The following PTPRD variants were observed in gnomAD, a reference collection of about 807,000 sequenced individuals.
PTPRD encodes the protein protein tyrosine phosphatase receptor type D.
PTPRD carries 34 observed loss-of-function variants against 214.5 expected under a neutral mutation model. The ratio of observed to expected loss-of-function variants is 0.16; its 90% confidence interval spans 0.12 to 0.21. The LOEUF (loss-of-function observed/expected upper bound fraction) is 0.21. PTPRD is among the 10% of genes least tolerant of loss of function. The pLI is 1.00. For missense variants in PTPRD, 2,545 were observed against 2,398.7 expected, an observed-to-expected ratio of 1.06 and a Z score of -1.27; for synonymous variants, 1,128 against 845.7, an observed-to-expected ratio of 1.33 and a Z score of -5.79.
chr9:9,456,346 A>C (rs1192662306), intron 8 of PTPRD, among the ~76,000 whole-genome samples: 1 of 151,864 alleles, frequency 6.6e-6, no homozygotes, highest in Non-Finnish European at 1.5e-5. Context: ...GAATAAAAAA[A>C]TATAGATCAG....
chr9:8,986,855 T>G (rs2099347316), intron 11 of PTPRD, among the ~76,000 whole-genome samples: 1 of 152,114 alleles, frequency 6.6e-6, no homozygotes, highest in Admixed American at 6.6e-5. Flanking sequence ...TATTGAAGTT[T>G]TTTTTCAGTC....
intron 5 of PTPRD, among the ~76,000 whole-genome samples, chr9:9,837,531 G>C (rs2057121508): frequency 6.6e-6 from 1 of 152,004 alleles, no homozygotes. Context: ...GAAGATAGAG[G>C]GGTATGTTTT....
intron 10 of PTPRD, among the ~76,000 whole-genome samples, chr9:9,112,336 A>G (rs1486387734): frequency 6.6e-6 from 1 of 152,046 alleles, no homozygotes; most frequent in Non-Finnish European, 1.5e-5. Context: ...TAGTTAGGGG[A>G]TCTGAGACAC....
At chr9:10,175,711 A>G (rs2099244053) in intron 3 of PTPRD, among the ~76,000 whole-genome samples, 1 of 152,164 alleles carries the variant, frequency 6.6e-6, no homozygotes, top group East Asian at 1.9e-4. Context: ...AATTTTCAAA[A>G]ATCTTTCTTT....
At chr9:9,827,146 G>T (rs1434652427) in intron 5 of PTPRD, among the ~76,000 whole-genome samples, 1 of 151,942 alleles carries the variant, frequency 6.6e-6, no homozygotes, top group African/African-American at 2.4e-5. Context: ...CACAGAATTG[G>T]AAAAAACTAC....
At chr9:8,913,272 G>A (rs1282955201) in intron 11 of PTPRD, among the ~76,000 whole-genome samples, 2 of 152,082 alleles carry the variant, frequency 1.3e-5, no homozygotes, top group Non-Finnish European at 2.9e-5. Context: ...TAAAATGTGA[G>A]TATTCCTTGT....
chr9:9,016,162 TG>T (rs2099534209), intron 11 of PTPRD, among the ~76,000 whole-genome samples: 1 of 152,254 alleles, frequency 6.6e-6, no homozygotes, highest in Admixed American at 6.5e-5. Context: ...TCACCCTCCT[TG>T]GGAAGCGAAA....
intron 11 of PTPRD, among the ~76,000 whole-genome samples, chr9:8,995,572 C>A (rs2099393549): frequency 6.6e-6 from 1 of 151,932 alleles, no homozygotes; most frequent in African/African-American, 2.4e-5. Context: ...CTCTCTACAC[C>A]CTCTTGAATA....
chr9:9,673,044 C>T (rs921186407), intron 7 of PTPRD, among the ~76,000 whole-genome samples: 2 of 151,922 alleles, frequency 1.3e-5, no homozygotes, highest in African/African-American at 4.8e-5. Flanking sequence ...ATTACCAATG[C>T]TGCAGAAGTC....
At chr9:8,793,822 T>C (rs557574135) in intron 11 of PTPRD, among the ~76,000 whole-genome samples, 1 of 152,320 alleles carries the variant, frequency 6.6e-6, no homozygotes, top group African/African-American at 2.4e-5. Flanking sequence ...AGATACACTA[T>C]GTATCTAGGT....
chr9:10,135,943 T>TA lies in PTPRD; in HGVS notation c.-544-102154dup, dbSNP rs3075566. Among the ~76,000 whole-genome samples, 117 of 142,124 alleles carry TA rather than the reference T, an allele frequency of 8.2e-4. 1 individual carries two copies. Among genetic ancestry groups the TA allele is most frequent in the East Asian group, 2.0e-3 (10 of 4,898 alleles). The allele number at this position is 142,124 out of a possible 152,430, so 93.2% of individuals were successfully genotyped here. ...AAAAGCACAGAATTGTAAGTTGAAT[T>TA]AAAAAAAAAAAAATAAGGCCCAACC... On this transcript the variant is annotated intron_variant, in intron 3 of 45. Transcript: ENST00000381196.
chr9:8,771,476 C>T (rs1017387744), intron 11 of PTPRD, among the ~76,000 whole-genome samples: 4 of 152,112 alleles, frequency 2.6e-5, no homozygotes, highest in African/African-American at 7.2e-5. Context: ...CCACCAAAAA[C>T]AGGTGACAAG....
At chr9:9,274,233 T>C (rs141300781) in intron 9 of PTPRD, among the ~76,000 whole-genome samples, 5 of 151,462 alleles carry the variant, frequency 3.3e-5, no homozygotes, top group South Asian at 2.1e-4. Context: ...GTATAACATA[T>C]ACACAGTCTT....
intron 7 of PTPRD, among the ~76,000 whole-genome samples, chr9:9,645,845 T>A (rs905805540): frequency 3.9e-5 from 6 of 152,182 alleles, no homozygotes; most frequent in Non-Finnish European, 7.4e-5. Flanking sequence ...CTAAATACTT[T>A]TCATCAAATG....
intron 11 of PTPRD, among the ~76,000 whole-genome samples, chr9:8,776,043 G>C (rs1184672852): frequency 1.3e-5 from 2 of 152,166 alleles, no homozygotes; most frequent in Non-Finnish European, 2.9e-5. Context: ...ATTTGGTTTG[G>C]TAGTGCTTCA....
chr9:10,081,471 C>G (rs978317889), intron 3 of PTPRD, among the ~76,000 whole-genome samples: 1 of 151,922 alleles, frequency 6.6e-6, no homozygotes, highest in Admixed American at 6.6e-5. Context: ...GTGGAGCCCA[C>G]GTAACTGGAA....
intron 9 of PTPRD, among the ~76,000 whole-genome samples, chr9:9,259,127 T>C (rs1313320285): frequency 1.3e-5 from 2 of 151,862 alleles, no homozygotes; most frequent in Admixed American, 6.6e-5. Flanking sequence ...TCCCCATTTA[T>C]TGCAAGAGGA....
At chr9:9,479,237 C>A (rs2095287629) in intron 8 of PTPRD, among the ~76,000 whole-genome samples, 1 of 119,820 alleles carries the variant, frequency 8.3e-6, no homozygotes, top group Non-Finnish European at 1.7e-5. Flanking sequence ...CCCACACACA[C>A]ACCCACCTCT....
At chr9:9,064,288 T>C (rs1237748221) in intron 10 of PTPRD, among the ~76,000 whole-genome samples, 1 of 152,196 alleles carries the variant, frequency 6.6e-6, no homozygotes, top group Admixed American at 6.5e-5. Context: ...AATATGGATG[T>C]CATCTGCATT....
Sources: allele counts gnomAD v4.1 joint callset (sites outside exome capture counted in the v4.1 genomes callset), GRCh38; gene constraint gnomAD v4.1.1; transcripts MANE v1.5; gene names NCBI Gene and HGNC (gene_info 2026-07-23, HGNC 2026-07-21).